SGIP1: variants seen among roughly 807,000 people sequenced by gnomAD.
The protein encoded by SGIP1 is SH3-containing GRB2-like protein 3-interacting protein 1.
A neutral mutation model predicts 107.5 loss-of-function variants in SGIP1; 38 were observed. That is an observed-to-expected ratio of 0.35 (90% confidence interval 0.27 to 0.46). The LOEUF (loss-of-function observed/expected upper bound fraction) is 0.46, where lower values mean the gene tolerates loss of function less well. Among genes scored for constraint, SGIP1 ranks in the 20% least tolerant of loss-of-function variants. The probability of loss-of-function intolerance (pLI) is 1.00; values close to 1 mark genes in which losing one functional copy is unlikely to be tolerated. For synonymous variants in SGIP1, 365 were observed against 366.1 expected (o/e 1.00, Z 0.03); for missense variants, 929 against 1,019.5 (o/e 0.91, Z 1.21).
At chr1:66,663,080 A>T (rs984665150) in intron 8 of SGIP1, among the ~76,000 whole-genome samples, 7 of 151,988 alleles carry the variant, frequency 4.6e-5, no homozygotes, top group Non-Finnish European at 1.0e-4. Context: ...AAAAAAAAAA[A>T]TCTGGATGCT....
At position 66,623,556 on chromosome 1, in the gene SGIP1, T is replaced by A. The variant is rs145640109; in HGVS notation, c.11-2291T>A. On this transcript the variant is annotated intron_variant, in intron 1 of 24. Coordinates refer to ENST00000371037, the MANE Select transcript of SGIP1 (RefSeq NM_032291.4). ...ATAGGCTACTGCACCTGGCCCAAACTTTTTTTCTTATTCAACAATTTGATT... is the reference window on the plus strand; with the variant it reads ...ATAGGCTACTGCACCTGGCCCAAACATTTTTTCTTATTCAACAATTTGATT... 5.4e-3 allele frequency among the ~76,000 whole-genome samples: 818 copies of A among 152,332 alleles called. 10 individuals carry two copies. Among genetic ancestry groups the A allele is most frequent in the African/African-American group, 0.018 (767 of 41,576 alleles).
rs140842296 is a variant in SGIP1, at chr1:66,729,271, G to A, written c.1750G>A (p.Val584Ile). The A allele has an allele frequency of 4.9e-5, 79 of 1,613,812 alleles. No homozygotes were observed. In the East Asian group the frequency reaches 1.0e-3, roughly 21 times the overall value. ...TGTGTTTTGATATGCCAGATGTATC[G>A]TTAAGATTACCGGAGAAATGGTGTT... is the stretch of plus-strand genomic sequence containing the variant. ...FKGADPSKCI[V>I]KITGEMVLSF... Residue 584 changes from valine (V) to isoleucine (I), a missense_variant, in exon 20 of 25, where the codon GTT becomes ATT. Val to Ile is a conservative substitution (Grantham distance 29, BLOSUM62 3). Coordinates refer to ENST00000371037, the MANE Select transcript of SGIP1 (RefSeq NM_032291.4).
At chr1:66,560,167 A>G (rs2058726513) in intron 1 of SGIP1, among the ~76,000 whole-genome samples, 1 of 152,070 alleles carries the variant, frequency 6.6e-6, no homozygotes, top group Admixed American at 6.6e-5. Flanking sequence ...TCTTCCCTGA[A>G]GCTGACCTCT....
At chr1:66,630,817 A>AAGAGAGAAAGAGAGAAAGAG (rs2074138958) in intron 2 of SGIP1, among the ~76,000 whole-genome samples, 1 of 5,310 alleles carries the variant, frequency 1.9e-4, no homozygotes, top group African/African-American at 1.2e-3. Context: ...GAAAGAAAGA[A>AAGAGAGAAAGAGAGAAAGAG]AGAAAGAAAG....
intron 12 of SGIP1, among the ~76,000 whole-genome samples, chr1:66,676,308 G>C (rs1461489638): frequency 1.3e-5 from 2 of 152,126 alleles, no homozygotes; most frequent in Non-Finnish European, 2.9e-5. Flanking sequence ...CCCTGCCACA[G>C]GATAGGTACT....
intron 18 of SGIP1, among the ~76,000 whole-genome samples, chr1:66,697,732 G>T (rs901922653): frequency 1.3e-5 from 2 of 152,086 alleles, no homozygotes; most frequent in Non-Finnish European, 2.9e-5. Flanking sequence ...AAACCTAGAA[G>T]AATTTTTTTA....
At chr1:66,681,151 T>C (rs1031706485) in intron 14 of SGIP1, among the ~76,000 whole-genome samples, 3 of 152,202 alleles carry the variant, frequency 2.0e-5, no homozygotes, top group African/African-American at 7.2e-5. Flanking sequence ...CAGGTATATA[T>C]GTAACAGTTC....
chr1:66,599,409 T>C (rs761047426), intron 1 of SGIP1, among the ~76,000 whole-genome samples: 13 of 152,174 alleles, frequency 8.5e-5, no homozygotes, highest in Non-Finnish European at 1.3e-4. Flanking sequence ...CACTGGTAGG[T>C]GACTGGGGCT....
intron 22 of SGIP1, 97 bp downstream of exon 22, chr1:66,739,634 C>A: frequency 7.9e-7 from 1 of 1,271,524 alleles, no homozygotes; most frequent in Non-Finnish European, 1.1e-6. Flanking sequence ...GAGATGACAG[C>A]AGGCCTGTGC....
chr1:66,618,015 G>A (rs1187897254), intron 1 of SGIP1, among the ~76,000 whole-genome samples: 5 of 150,516 alleles, frequency 3.3e-5, no homozygotes, highest in African/African-American at 4.8e-5. Context: ...CTTCTCATGC[G>A]CCATGATATA....
chr1:66,567,772 A>T (rs1373517299), intron 1 of SGIP1, among the ~76,000 whole-genome samples: 1 of 152,174 alleles, frequency 6.6e-6, no homozygotes, highest in East Asian at 1.9e-4. Context: ...TCCTTTCCCC[A>T]TTGCTTGTTT....
chr1:66,701,557 GT>G (rs1210053296), intron 18 of SGIP1, among the ~76,000 whole-genome samples: 1 of 152,014 alleles, frequency 6.6e-6, no homozygotes, highest in Admixed American at 6.6e-5. Context: ...GTCACAGAGA[GT>G]TTTTTTTAAT....
At chr1:66,711,303 G>T (rs1036579939) in intron 18 of SGIP1, among the ~76,000 whole-genome samples, 20 of 152,090 alleles carry the variant, frequency 1.3e-4, no homozygotes, top group Non-Finnish European at 2.8e-4. Context: ...CCCAATGTCT[G>T]TAAAAGGTAC....
chr1:66,648,199 G>A (rs1321174440), intron 7 of SGIP1, among the ~76,000 whole-genome samples: 2 of 152,150 alleles, frequency 1.3e-5, no homozygotes, highest in East Asian at 3.9e-4. Flanking sequence ...CCTTGGGTTA[G>A]GTAGCTCTCT....
chr1:66,714,806 T>A (rs1498354), intron 18 of SGIP1, among the ~76,000 whole-genome samples: 40,306 of 151,972 alleles, frequency 0.27, 5,579 homozygotes, highest in South Asian at 0.32. Flanking sequence ...CCAGAGTCGC[T>A]GTCTGTTAAT....
In SGIP1 at chr1:66,590,689, A is replaced by G. The variant is rs946391726; in HGVS notation, c.11-35158A>G. On this transcript the variant is annotated intron_variant, in intron 1 of 24. Transcript: ENST00000371037. Reference sequence around the variant, plus strand: ...AAATGAGCTATCAAGCCAGGAAAAGACATAGAGGAATCTTAAGTGCATATT... The same window carrying G: ...AAATGAGCTATCAAGCCAGGAAAAGGCATAGAGGAATCTTAAGTGCATATT... The G allele has an allele frequency of 2.6e-5, 4 of 152,366 alleles. No homozygotes were observed. In the East Asian group the frequency reaches 7.7e-4, roughly 29 times the overall value. The allele number at this position is 152,366 out of a possible 1,614,324, so 9.4% of individuals were successfully genotyped here.
intron 14 of SGIP1, among the ~76,000 whole-genome samples, 190 bp downstream of exon 14, chr1:66,679,942 C>A (rs561001516): frequency 9.1e-4 from 139 of 152,200 alleles, no homozygotes; most frequent in East Asian, 2.7e-3. Context: ...TTCACACACA[C>A]AAAAAAGTAA....
intron 12 of SGIP1, among the ~76,000 whole-genome samples, chr1:66,676,415 G>T (rs758677885): frequency 6.6e-6 from 1 of 152,180 alleles, no homozygotes; most frequent in Non-Finnish European, 1.5e-5. Context: ...GTGTCCTTAG[G>T]CCCAAAACCT....
At chr1:66,534,626 CT>C (rs2053146494) in intron 1 of SGIP1, among the ~76,000 whole-genome samples, 1 of 152,146 alleles carries the variant, frequency 6.6e-6, no homozygotes, top group Admixed American at 6.5e-5. Flanking sequence ...TTGCAGGGAG[CT>C]GAGATGGAGC....
Sources: gnomAD v4.1 joint callset for allele counts (sites outside exome capture counted in the v4.1 genomes callset) on GRCh38, gnomAD v4.1.1 for gene constraint, MANE v1.5 for transcripts, NCBI Gene and HGNC (gene_info 2026-07-23, HGNC 2026-07-21) for gene names.